The following MYH8 variants were observed in gnomAD, a reference collection of about 807,000 sequenced individuals.
MYH8 encodes the protein myosin-8.
Under a neutral mutation model 233.2 loss-of-function variants are expected in MYH8, and 168 were observed. The ratio of observed to expected loss-of-function variants is 0.72; its 90% CI spans 0.64 to 0.82. MYH8 has a LOEUF of 0.82. Among genes scored for constraint, MYH8 ranks in the 40% least tolerant of loss-of-function variants. MYH8 has a pLI of 0.00. For missense variants in MYH8, 1,995 were observed against 2,327.8 expected (o/e 0.86, Z 2.94); for synonymous variants, 785 against 850.6 (o/e 0.92, Z 1.34).
Position 10,400,802 on chromosome 17 carries a change from A to G in MYH8, c.3346-23T>C. 6.2e-7 allele frequency: 1 copy of G among 1,613,984 alleles called. No individual in the cohort carries two copies. Among genetic ancestry groups the G allele is most frequent in the Non-Finnish European group, 8.5e-7 (1 of 1,180,008 alleles). On this transcript the variant is annotated intron_variant, in intron 26 of 39. Coordinates refer to ENST00000403437, the MANE Select transcript of MYH8 (RefSeq NM_002472.3). The surrounding 1 kb of genome is among the most constrained non-coding windows in gnomAD (Gnocchi z 4.0). ...GGCCTGGGAATGAAAGAAGCACATAAACATAAACTCATCTCAACTTCAGTG... is the reference window on the plus strand; with the variant it reads ...GGCCTGGGAATGAAAGAAGCACATAGACATAAACTCATCTCAACTTCAGTG...
Position 10,398,456 on chromosome 17 carries a change from A to G in MYH8, c.4166T>C (p.Leu1389Pro). The change falls in exon 30 of 40, where the codon CTG (leucine) becomes CCG (proline). Residue 1389 changes from leucine to proline, a missense_variant. Physicochemically the swap from Leu to Pro is moderately conservative, Grantham distance 98 (BLOSUM62 -3). Transcript: ENST00000403437. ...ETDAIQRTEELEEAKKKLAQR... is the reference protein window; with the variant it reads ...ETDAIQRTEEPEEAKKKLAQR... ...TCACAGCACATACTTGGCCTCCTCC[A>G]GCTCCTCTGTGCGCTGGATGGCATC... 6.2e-7 allele frequency: 1 copy of G among 1,613,946 alleles called. No homozygotes were observed. The highest frequency in any genetic ancestry group is 8.5e-7 in the Non-Finnish European group (1 of 1,179,870).
At position 10,419,956 on chromosome 17, in the gene MYH8, T is replaced by A; in HGVS notation, c.210+62A>T. 2 of 1,543,308 alleles carry A rather than the reference T, an allele frequency of 1.3e-6. No homozygotes were observed. Among genetic ancestry groups the A allele is most frequent in the South Asian group, 1.1e-5 (1 of 89,338 alleles). ...ACAGGCTTGGAGATTCCCAGTAAGT[T>A]AGGCTTCAACTTTTGAACCAAGAAA... On this transcript the variant is annotated intron_variant, in intron 3 of 39. Coordinates refer to ENST00000403437, the MANE Select transcript of MYH8 (RefSeq NM_002472.3). The surrounding 1 kb of genome is among the most constrained non-coding windows in gnomAD (Gnocchi z 4.0).
chr17:10,406,952 G>C lies in MYH8; in HGVS notation c.1993C>G (p.Leu665Val), dbSNP rs754146272. 2 of 1,613,974 alleles carry C rather than the reference G, an allele frequency of 1.2e-6. No homozygotes were observed. Among genetic ancestry groups the C allele is most frequent in the South Asian group, 2.2e-5 (2 of 91,080 alleles). ...ACGAAGTGAGGGTGTGTGCTCCTCA[G>C]ATTCGTCATCAATTTATTTAAATTT... is the stretch of plus-strand genomic sequence containing the variant. ...RENLNKLMTNLRSTHPHFVRC... is the reference protein window; with the variant it reads ...RENLNKLMTNVRSTHPHFVRC... The change falls in exon 18 of 40, where the codon CTG becomes GTG. Residue 665 changes from leucine to valine, a missense_variant. Physicochemically the swap from Leu to Val is conservative, Grantham distance 32. This residue lies in a region of MYH8 where 1,498 missense variants were observed against 1,680.9 expected (regional missense o/e 0.89). Transcript: ENST00000403437.
chr17:10,392,061 T>C lies in MYH8; in HGVS notation c.5569-84A>G, dbSNP rs540290437. The C allele has an allele frequency of 2.0e-4, 223 of 1,139,250 alleles. 2 individuals are homozygous for C. The South Asian group carries it at 2.4e-3, about 12-fold the overall frequency. The allele number at this position is 1,139,250 out of a possible 1,614,324, so 70.6% of individuals were successfully genotyped here. A position where few individuals can be genotyped will look rare whatever the true frequency, so the allele number is the denominator to read the frequency against. On this transcript the variant is annotated intron_variant, in intron 38 of 39. Transcript: ENST00000403437. ...ACTAAAATAAAATCATTTGGCATGATGGCAGGTGGGCCTGGGGTAAACTTG... is the reference window on the plus strand; with the variant it reads ...ACTAAAATAAAATCATTTGGCATGACGGCAGGTGGGCCTGGGGTAAACTTG...
At chr17:10,398,297 C>T (rs2072097526) in intron 30 of MYH8, 147 bp downstream of exon 30, 2 of 1,190,038 alleles carry the variant, frequency 1.7e-6, no homozygotes, top group Non-Finnish European at 2.4e-6. Flanking sequence ...GGTAAATAAG[C>T]TGATATACAT....
chr17:10,414,260 C>T lies in MYH8; in HGVS notation c.940G>A (p.Ala314Thr). The T allele has an allele frequency of 1.2e-6, 2 of 1,614,136 alleles. No individual in the cohort carries two copies. Among genetic ancestry groups the T allele is most frequent in the Non-Finnish European group, 1.7e-6 (2 of 1,180,016 alleles). Residue 314 changes from alanine to threonine, a missense_variant, in exon 11 of 40, where the codon GCC becomes ACC. Coordinates refer to ENST00000403437, the MANE Select transcript of MYH8 (RefSeq NM_002472.3). ...GTGATCTCCCCCTGACTGACGAAGGCATAGTCATATGGGTTGGTGGTGATC... is the reference window on the plus strand; with the variant it reads ...GTGATCTCCCCCTGACTGACGAAGGTATAGTCATATGGGTTGGTGGTGATC... ...LLITTNPYDY[A>T]FVSQGEITVP...
intron 14 of MYH8, among the ~76,000 whole-genome samples, chr17:10,411,575 A>T (rs1286177698): frequency 1.3e-5 from 2 of 152,122 alleles, no homozygotes; most frequent in Non-Finnish European, 2.9e-5. Flanking sequence ...GGTAAAAGGG[A>T]AAGGAGTTGA....
chr17:10,390,607 A>G lies in MYH8; in HGVS notation c.5665-4T>C. The G allele has an allele frequency of 1.9e-6, 3 of 1,613,906 alleles. No individual in the cohort carries two copies. Among genetic ancestry groups the G allele is most frequent in the Non-Finnish European group, 2.5e-6 (3 of 1,179,742 alleles). Reference sequence around the variant, plus strand: ...GATTAGCATTGGATTGTTCCTCCTAAGAATAGAGATAAAATTGTGAGAATT... The same window carrying G: ...GATTAGCATTGGATTGTTCCTCCTAGGAATAGAGATAAAATTGTGAGAATT... On this transcript the variant is annotated splice_polypyrimidine_tract_variant and splice_region_variant and intron_variant, in intron 39 of 39. Coordinates refer to ENST00000403437, the MANE Select transcript of MYH8 (RefSeq NM_002472.3).
Position 10,390,414 on chromosome 17 carries a change from T to G in MYH8, c.*40A>C. On this transcript the variant is annotated 3_prime_UTR_variant, in exon 40 of 40. Transcript: ENST00000403437. ...AAGTGACCAAAAATAGCACATTTTG[T>G]GCCTTTCTTCAGCCTCTTGATAGCA... The G allele has an allele frequency of 6.2e-7, 1 of 1,612,108 alleles. No homozygotes were observed. Among genetic ancestry groups the G allele is most frequent in the Non-Finnish European group, 8.5e-7 (1 of 1,179,694 alleles).
Position 10,409,086 on chromosome 17 carries a change from T to C in MYH8, c.1965+11A>G. 1.9e-6 allele frequency: 3 copies of C among 1,611,682 alleles called. No individual in the cohort carries two copies. Among genetic ancestry groups the C allele is most frequent in the Non-Finnish European group, 2.5e-6 (3 of 1,177,832 alleles). ...ACTGAGTAGATATTTCAAATTAAATTTGTACTTTACCCTGAAAAGGGCAGA... is the reference window on the plus strand; with the variant it reads ...ACTGAGTAGATATTTCAAATTAAATCTGTACTTTACCCTGAAAAGGGCAGA... On this transcript the variant is annotated intron_variant, in intron 17 of 39. Coordinates refer to ENST00000403437, the MANE Select transcript of MYH8 (RefSeq NM_002472.3).
intron 14 of MYH8, 48 bp downstream of exon 14, chr17:10,412,322 T>G: frequency 6.2e-7 from 1 of 1,613,962 alleles, no homozygotes; most frequent in East Asian, 2.2e-5. Context: ...ACCTAATATA[T>G]CAAAGCCCAC....
rs781623705 is a variant in MYH8, at chr17:10,390,588, CA to C, written c.5679del (p.Asn1893LysfsTer33). 1 of 1,614,130 alleles carries C rather than the reference CA, an allele frequency of 6.2e-7. No homozygotes were observed. The highest frequency in any genetic ancestry group is 1.1e-5 in the South Asian group (1 of 91,088). ...RQAEEAEEQSNANLSKFRKLQ... is the reference protein window; with the variant it reads ...RQAEEAEEQSXANLSKFRKLQ... ...AGTTTGCGGAATTTAGATAGATTAG[CA>C]TTGGATTGTTCCTCCTAAGAATAGA... On this transcript the variant is annotated frameshift_variant, in exon 40 of 40. Coordinates refer to ENST00000403437, the MANE Select transcript of MYH8 (RefSeq NM_002472.3). LOFTEE classifies it high-confidence loss of function.
Position 10,409,295 on chromosome 17 carries a change from A to G in MYH8, c.1881T>C (p.Tyr627=), listed in dbSNP as rs183183083. The part of the protein sequence containing the change: ...MKTLASLFST[Y]ASAEADSSAK... The stretch of plus-strand genomic sequence containing the variant: ...AGAAAGTACCTGCTTCAGCACTAGC[A>G]TACGTGGAAAAGAGACTGGCTAGAG... The change falls in exon 16 of 40, where the codon TAT becomes TAC. Residue 627 remains tyrosine, a synonymous_variant. Coordinates refer to ENST00000403437, the MANE Select transcript of MYH8 (RefSeq NM_002472.3). 6.2e-7 allele frequency: 1 copy of G among 1,614,142 alleles called. No homozygotes were observed. Among genetic ancestry groups the G allele is most frequent in the Non-Finnish European group, 8.5e-7 (1 of 1,180,052 alleles).
intron 15 of MYH8, 86 bp from the exon 16 acceptor site, chr17:10,409,674 G>A (rs1319086122): frequency 5.9e-6 from 9 of 1,533,082 alleles, no homozygotes; most frequent in East Asian, 4.5e-5. Flanking sequence ...TGAATTATGA[G>A]CACCCCAATT....
Position 10,406,919 on chromosome 17 carries a change from T to C in MYH8, c.2026A>G (p.Ile676Val), listed in dbSNP as rs761737413. 2 of 1,614,042 alleles carry C rather than the reference T, an allele frequency of 1.2e-6. No homozygotes were observed. Among genetic ancestry groups the C allele is most frequent in the Admixed American group, 3.3e-5 (2 of 60,020 alleles). ...RSTHPHFVRC[I>V]IPNETKTPGA... The stretch of plus-strand genomic sequence containing the variant: ...GGAGTTTTGGTTTCATTGGGAATGA[T>C]ACACCGTACGAAGTGAGGGTGTGTG... The change falls in exon 18 of 40, where the codon ATC becomes GTC. Residue 676 changes from isoleucine to valine, a missense_variant. Physicochemically the swap from Ile to Val is conservative, Grantham distance 29. Coordinates refer to ENST00000403437, the MANE Select transcript of MYH8 (RefSeq NM_002472.3).
At chr17:10,410,089 A>G (rs964469557) in intron 15 of MYH8, among the ~76,000 whole-genome samples, 9 of 152,184 alleles carry the variant, frequency 5.9e-5, no homozygotes, top group Admixed American at 3.3e-4. Flanking sequence ...GGATCACTTG[A>G]ACTCAGGAGT....
rs764753631 is a variant in MYH8 at position 10,401,662 on chromosome 17, C to A, written c.2812G>T (p.Glu938Ter). The A allele has an allele frequency of 6.2e-7, 1 of 1,614,142 alleles. No individual in the cohort carries two copies. The change falls in exon 23 of 40, where the codon GAG becomes TAG. Residue 938 changes from glutamate (E) to a stop codon, truncating the protein, a stop_gained. Transcript: ENST00000403437. LOFTEE classifies it high-confidence loss of function. ...AGTTTTCTCTTCTTGGCTGTCAGCT[C>A]AGCATTGATCTCTTCCTCCTCCTCA... The part of the protein sequence containing the change: ...RAEEEEEINA[E>*]LTAKKRKLED...
intron 16 of MYH8, 46 bp downstream of exon 16, chr17:10,409,233 A>C: frequency 6.2e-7 from 1 of 1,613,604 alleles, no homozygotes; most frequent in Non-Finnish European, 8.5e-7. Context: ...GTATTATAAC[A>C]TTATGTGAGA....
At chr17:10,408,940 C>T (rs1453515597) in intron 17 of MYH8, among the ~76,000 whole-genome samples, 157 bp downstream of exon 17, 1 of 152,144 alleles carries the variant, frequency 6.6e-6, no homozygotes, top group Non-Finnish European at 1.5e-5. Flanking sequence ...AGCATCCGTT[C>T]CTACAGGAGT....
Sources: allele counts gnomAD v4.1 joint callset (sites outside exome capture counted in the v4.1 genomes callset), GRCh38; gene constraint gnomAD v4.1.1; regional missense constraint gnomAD v4.1.1; non-coding constraint Gnocchi (gnomAD v3.1); transcripts MANE v1.5; gene names NCBI Gene and HGNC (gene_info 2026-07-23, HGNC 2026-07-21).